The following CAMK4 variants were observed in gnomAD, a reference collection of about 807,000 sequenced individuals.
The protein encoded by CAMK4 is calcium/calmodulin dependent protein kinase IV.
In CAMK4, 22 loss-of-function variants were observed where a neutral mutation model predicts 44.9. The ratio of observed to expected loss-of-function variants is 0.49; its 90% confidence interval spans 0.35 to 0.70. The LOEUF (loss-of-function observed/expected upper bound fraction) is 0.70, where lower values mean the gene tolerates loss of function less well. CAMK4 is among the 30% of genes least tolerant of loss of function. CAMK4 has a pLI of 0.01. For synonymous variants in CAMK4, 218 were observed against 215.4 expected (o/e 1.01, Z -0.11); for missense variants, 498 against 586.8 (o/e 0.85, Z 1.56).
At chr5:111,474,783 T>A (rs952533815) in intron 8 of CAMK4, among the ~76,000 whole-genome samples, 18 of 152,160 alleles carry the variant, frequency 1.2e-4, no homozygotes, top group African/African-American at 4.1e-4. Flanking sequence ...GACAGAAAGG[T>A]TTAACAAGCA....
At chr5:111,273,724 C>CAT (rs1750635187) in intron 1 of CAMK4, among the ~76,000 whole-genome samples, 1 of 71,546 alleles carries the variant, frequency 1.4e-5, no homozygotes, top group African/African-American at 6.8e-5. Context: ...TATATACACA[C>CAT]ACATACATAC....
chr5:111,420,010 T>C (rs913219601), intron 5 of CAMK4, among the ~76,000 whole-genome samples: 6 of 152,144 alleles, frequency 3.9e-5, no homozygotes, highest in Non-Finnish European at 5.9e-5. Flanking sequence ...TGGGGTGGCA[T>C]TGAATCTATA....
intron 1 of CAMK4, among the ~76,000 whole-genome samples, chr5:111,302,999 C>T (rs1260411832): frequency 1.9e-4 from 1 of 5,400 alleles, no homozygotes; most frequent in Non-Finnish European, 4.4e-4. Context: ...ACACCTCACA[C>T]GGCAGGGTAT....
intron 1 of CAMK4, among the ~76,000 whole-genome samples, chr5:111,297,593 T>C (rs537692197): frequency 6.6e-6 from 1 of 152,376 alleles, no homozygotes; most frequent in Admixed American, 6.5e-5. Flanking sequence ...ATCAAAATAT[T>C]ACAAATCTTG....
intron 1 of CAMK4, among the ~76,000 whole-genome samples, chr5:111,231,296 T>C (rs1200827548): frequency 6.6e-6 from 1 of 152,180 alleles, no homozygotes; most frequent in Non-Finnish European, 1.5e-5. Flanking sequence ...CTTCCTCTTT[T>C]CTCTTAGACT....
At position 111,336,054 on chromosome 5, in the gene CAMK4, G is replaced by T. The variant is rs964763066; in HGVS notation, c.162-7970G>T. Among the ~76,000 whole-genome samples, 5 of 151,318 alleles carry T rather than the reference G, an allele frequency of 3.3e-5. No individual in the cohort carries two copies. In the Admixed American group the frequency reaches 3.3e-4, roughly 10 times the overall value. On this transcript the variant is annotated intron_variant, in intron 1 of 10. Coordinates refer to ENST00000282356, the MANE Select transcript of CAMK4 (RefSeq NM_001744.6). ...AAAACTAATGTAAAAGAAAGTAGTA[G>T]AAATCAGGCTCAAAGTATTAGTTTC...
At chr5:111,386,203 A>T (rs1035689152) in intron 4 of CAMK4, among the ~76,000 whole-genome samples, 11 of 152,220 alleles carry the variant, frequency 7.2e-5, no homozygotes, top group African/African-American at 2.2e-4. Context: ...ACTTACAAAG[A>T]AGTGGTAGAT....
chr5:111,285,388 A>G (rs990382209), intron 1 of CAMK4, among the ~76,000 whole-genome samples: 3 of 152,220 alleles, frequency 2.0e-5, no homozygotes, highest in Admixed American at 6.5e-5. Context: ...TTTAATGAAA[A>G]TCAGAATGCT....
intron 1 of CAMK4, among the ~76,000 whole-genome samples, chr5:111,312,515 C>T (rs953694521): frequency 6.6e-6 from 1 of 152,066 alleles, no homozygotes; most frequent in Non-Finnish European, 1.5e-5. Context: ...TTCCAAGAGA[C>T]CTGAATTTGT....
chr5:111,426,098 T>TA (rs33980568), intron 5 of CAMK4, among the ~76,000 whole-genome samples: 8 of 151,536 alleles, frequency 5.3e-5, no homozygotes, highest in Admixed American at 2.0e-4. Flanking sequence ...TATTCCAAAT[T>TA]AAAAAAAAAT....
At chr5:111,426,098 TAA>T (rs33980568) in intron 5 of CAMK4, among the ~76,000 whole-genome samples, 2 of 151,536 alleles carry the variant, frequency 1.3e-5, no homozygotes, top group Admixed American at 1.3e-4. Context: ...TATTCCAAAT[TAA>T]AAAAAAATCT....
intron 1 of CAMK4, among the ~76,000 whole-genome samples, chr5:111,291,804 C>T (rs1232641079): frequency 6.6e-6 from 1 of 152,174 alleles, no homozygotes; most frequent in Non-Finnish European, 1.5e-5. Flanking sequence ...AGCCAGCGCA[C>T]CTGGCCTATA....
At chr5:111,278,327 A>G (rs1363649353) in intron 1 of CAMK4, among the ~76,000 whole-genome samples, 1 of 152,210 alleles carries the variant, frequency 6.6e-6, no homozygotes, top group Non-Finnish European at 1.5e-5. Context: ...TGCATTTCAC[A>G]GATTTATGCA....
chr5:111,442,239 A>G (rs1386673575), intron 5 of CAMK4, among the ~76,000 whole-genome samples: 1 of 152,162 alleles, frequency 6.6e-6, no homozygotes, highest in Admixed American at 6.5e-5. Flanking sequence ...CATGCCTATA[A>G]TCCCAGCACT....
chr5:111,258,794 C>T (rs547006271), intron 1 of CAMK4, among the ~76,000 whole-genome samples: 8 of 146,916 alleles, frequency 5.4e-5, no homozygotes, highest in African/African-American at 2.0e-4. Flanking sequence ...CAGTCTTAGC[C>T]TTGTTGGTCT....
At chr5:111,225,016 G>T (rs1317466881) in intron 1 of CAMK4, among the ~76,000 whole-genome samples, 2 of 152,158 alleles carry the variant, frequency 1.3e-5, no homozygotes, top group Admixed American at 1.3e-4. Flanking sequence ...TTTAGGGTGG[G>T]GGCCGGAGGG....
chr5:111,322,095 AG>A (rs2112697011), intron 1 of CAMK4, among the ~76,000 whole-genome samples: 1 of 152,192 alleles, frequency 6.6e-6, no homozygotes, highest in South Asian at 2.1e-4. Flanking sequence ...AGTTGTTTTC[AG>A]GCATTGAGAA....
intron 6 of CAMK4, among the ~76,000 whole-genome samples, chr5:111,448,621 C>T (rs931973827): frequency 3.3e-5 from 5 of 152,004 alleles, no homozygotes; most frequent in African/African-American, 7.3e-5. Context: ...CTGGCTAACA[C>T]GGTGAAACTC....
At chr5:111,409,923 A>G (rs1003633543) in intron 5 of CAMK4, among the ~76,000 whole-genome samples, 5 of 152,160 alleles carry the variant, frequency 3.3e-5, no homozygotes, top group Non-Finnish European at 7.4e-5. Context: ...AAAGCAATTC[A>G]ACAAATTTCT....
Sources: allele counts gnomAD v4.1 joint callset (sites outside exome capture counted in the v4.1 genomes callset), GRCh38; gene constraint gnomAD v4.1.1; transcripts MANE v1.5; gene names NCBI Gene and HGNC (gene_info 2026-07-23, HGNC 2026-07-21).